Variants in SVOP observed in about 807,000 individuals in gnomAD.
SVOP encodes synaptic vesicle 2-related protein.
In SVOP, 17 loss-of-function variants were observed where a neutral mutation model predicts 69.1. The ratio of observed to expected loss-of-function variants is 0.25; its 90% CI spans 0.17 to 0.37. The LOEUF is 0.37. SVOP is among the 10% of genes least tolerant of loss of function. The pLI, the probability that SVOP is intolerant of heterozygous loss-of-function variation, is 1.00. For synonymous variants in SVOP, 238 were observed against 238.6 expected, an observed-to-expected ratio of 1.00 and a Z score of 0.02; for missense variants, 435 against 597.5, an observed-to-expected ratio of 0.73 and a Z score of 2.84.
intron 1 of SVOP, among the ~76,000 whole-genome samples, chr12:108,989,286 G>A (rs2040185107): frequency 6.6e-6 from 1 of 152,184 alleles, no homozygotes; most frequent in African/African-American, 2.4e-5. Flanking sequence ...TGTTGGTCAG[G>A]CTGGTCTCAA....
At chr12:108,943,973 CT>C (rs2039908274) in intron 7 of SVOP, among the ~76,000 whole-genome samples, 1 of 151,938 alleles carries the variant, frequency 6.6e-6, no homozygotes, top group Admixed American at 6.6e-5. Flanking sequence ...CTTCCACCTC[CT>C]GGGTTCAAGC....
At chr12:109,007,664 C>T (rs2040316342) in intron 1 of SVOP, among the ~76,000 whole-genome samples, 1 of 152,192 alleles carries the variant, frequency 6.6e-6, no homozygotes, top group Non-Finnish European at 1.5e-5. Flanking sequence ...TGCATCACTT[C>T]AGCATGCCAG....
At chr12:108,948,263 C>T (rs1286158881) in intron 6 of SVOP, among the ~76,000 whole-genome samples, 1 of 152,198 alleles carries the variant, frequency 6.6e-6, no homozygotes, top group African/African-American at 2.4e-5. Context: ...CAGCTTCCTC[C>T]CAAGAGCACT....
intron 11 of SVOP, among the ~76,000 whole-genome samples, chr12:108,928,534 T>A (rs533201962): frequency 1.3e-5 from 2 of 151,362 alleles, no homozygotes; most frequent in South Asian, 4.2e-4. Flanking sequence ...CCCTCACCCC[T>A]GAAGCAGGTC....
intron 14 of SVOP, among the ~76,000 whole-genome samples, chr12:108,916,111 C>T (rs2039711904): frequency 6.6e-6 from 1 of 152,022 alleles, no homozygotes; most frequent in African/African-American, 2.4e-5. Flanking sequence ...CCACTCTGTC[C>T]TGGGGGGGGC....
chr12:108,916,687 GA>G (rs2039715998), intron 14 of SVOP, among the ~76,000 whole-genome samples: 1 of 152,220 alleles, frequency 6.6e-6, no homozygotes, highest in South Asian at 2.1e-4. Flanking sequence ...ACTGGAGGAG[GA>G]AAGCTGTCCC....
chr12:108,995,915 T>A (rs1314328893), intron 1 of SVOP, among the ~76,000 whole-genome samples: 45 of 145,022 alleles, frequency 3.1e-4, no homozygotes, highest in Admixed American at 2.7e-3. Context: ...AAAAAAAAAA[T>A]GTCAATGGTA....
At chr12:108,912,830 C>G in intron 15 of SVOP, 89 bp from the exon 16 acceptor site, 1 of 1,298,496 alleles carries the variant, frequency 7.7e-7, no homozygotes, top group South Asian at 1.4e-5. Context: ...ACATCAGGCC[C>G]TCTCGTGATA....
chr12:109,001,700 C>A (rs2040271030), intron 1 of SVOP, among the ~76,000 whole-genome samples: 2 of 144,790 alleles, frequency 1.4e-5, no homozygotes, highest in African/African-American at 5.1e-5. Flanking sequence ...GAAAAACAAG[C>A]AATGGGGAAA....
chr12:109,004,432 G>C (rs376809212), intron 1 of SVOP, among the ~76,000 whole-genome samples: 8 of 42,050 alleles, frequency 1.9e-4, no homozygotes, highest in African/African-American at 3.1e-4. Flanking sequence ...TTTTTTTTGA[G>C]ACAGGGTCTT....
chr12:108,997,557 C>T (rs1210008462), intron 1 of SVOP, among the ~76,000 whole-genome samples: 3 of 152,048 alleles, frequency 2.0e-5, no homozygotes, highest in Non-Finnish European at 4.4e-5. Flanking sequence ...ACTTAAATGT[C>T]CCTGTCTGAC....
intron 1 of SVOP, among the ~76,000 whole-genome samples, chr12:108,997,535 T>C (rs1052319366): frequency 6.6e-6 from 1 of 152,082 alleles, no homozygotes; most frequent in Non-Finnish European, 1.5e-5. Context: ...AAGACAGCAG[T>C]AACCTCTGCA....
At chr12:108,989,164 G>C (rs1260907710) in intron 1 of SVOP, among the ~76,000 whole-genome samples, 1 of 151,808 alleles carries the variant, frequency 6.6e-6, no homozygotes, top group Non-Finnish European at 1.5e-5. Flanking sequence ...CAAACTCCTG[G>C]ATTCAAGTGA....
chr12:108,921,735 A>G (rs1295123912), intron 12 of SVOP, among the ~76,000 whole-genome samples: 1 of 152,190 alleles, frequency 6.6e-6, no homozygotes, highest in Non-Finnish European at 1.5e-5. Context: ...GATAGTCTTC[A>G]GGCACAGAAT....
intron 1 of SVOP, among the ~76,000 whole-genome samples, chr12:108,989,149 A>C (rs1334852108): frequency 6.6e-5 from 10 of 151,566 alleles, no homozygotes; most frequent in Non-Finnish European, 5.9e-5. Flanking sequence ...AGCTCCCTAC[A>C]GCCTCAAACT....
chr12:108,988,932 C>T (rs1197408707), intron 1 of SVOP, among the ~76,000 whole-genome samples: 1 of 151,844 alleles, frequency 6.6e-6, no homozygotes, highest in Non-Finnish European at 1.5e-5. Context: ...GCCACCACAC[C>T]CAGCTAATTT....
chr12:108,945,504 G>T (rs563792448), intron 6 of SVOP, among the ~76,000 whole-genome samples: 103 of 152,030 alleles, frequency 6.8e-4, no homozygotes, highest in Non-Finnish European at 1.0e-3. Context: ...TGATCCTCCT[G>T]CCTCAGCCTC....
At chr12:108,932,601 G>C (rs180844435) in intron 11 of SVOP, among the ~76,000 whole-genome samples, 1 of 152,050 alleles carries the variant, frequency 6.6e-6, no homozygotes, top group Admixed American at 6.5e-5. Flanking sequence ...TCTACTGAAC[G>C]AATCCCTTCT....
intron 1 of SVOP, among the ~76,000 whole-genome samples, chr12:109,014,427 A>T (rs2135633689): frequency 6.6e-6 from 1 of 152,334 alleles, no homozygotes; most frequent in Non-Finnish European, 1.5e-5. Flanking sequence ...ACAATGGAAT[A>T]TTATTCATCC....
Sources: gnomAD v4.1 joint callset for allele counts (sites outside exome capture counted in the v4.1 genomes callset) on GRCh38, gnomAD v4.1.1 for gene constraint, MANE v1.5 for transcripts, NCBI Gene and HGNC (gene_info 2026-07-23, HGNC 2026-07-21) for gene names.